CACNA2D3: variants seen among roughly 807,000 people sequenced by gnomAD.
CACNA2D3 encodes voltage-dependent calcium channel subunit alpha-2/delta-3.
A neutral mutation model predicts 160.6 loss-of-function variants in CACNA2D3; 60 were observed. The ratio of observed to expected loss-of-function variants is 0.37; its 90% CI spans 0.30 to 0.46. The LOEUF (loss-of-function observed/expected upper bound fraction) is 0.46, where lower values mean the gene tolerates loss of function less well. Among genes scored for constraint, CACNA2D3 ranks in the 20% least tolerant of loss-of-function variants. The pLI is 1.00. For missense variants in CACNA2D3, 1,205 were observed against 1,365.0 expected (o/e 0.88, Z 1.85); for synonymous variants, 558 against 492.9 (o/e 1.13, Z -1.75).
At chr3:54,146,715 C>T (rs1371624930) in intron 2 of CACNA2D3, among the ~76,000 whole-genome samples, 1 of 152,232 alleles carries the variant, frequency 6.6e-6, no homozygotes, top group Non-Finnish European at 1.5e-5. Context: ...GTGCACAGAA[C>T]GTCTTAGGGG....
intron 35 of CACNA2D3, among the ~76,000 whole-genome samples, chr3:55,028,509 T>G (rs1168053961): frequency 6.6e-6 from 1 of 152,170 alleles, no homozygotes; most frequent in African/African-American, 2.4e-5. Flanking sequence ...TGGACAAAAT[T>G]GGAATCTAAA....
intron 11 of CACNA2D3, among the ~76,000 whole-genome samples, chr3:54,697,730 T>G (rs1288409546): frequency 6.6e-6 from 1 of 152,214 alleles, no homozygotes; most frequent in Non-Finnish European, 1.5e-5. Flanking sequence ...CTTCTAGTTA[T>G]TTTCTAACTA....
At chr3:54,891,331 CT>C (rs765455738) in intron 24 of CACNA2D3, 23 bp from the exon 25 acceptor site, 69 of 1,578,222 alleles carry the variant, frequency 4.4e-5, no homozygotes, top group Non-Finnish European at 5.7e-5. Flanking sequence ...AGGCCTCCCC[CT>C]GACGTCTGTT....
chr3:54,533,708 G>A (rs924994643), intron 5 of CACNA2D3, among the ~76,000 whole-genome samples: 1 of 151,934 alleles, frequency 6.6e-6, no homozygotes, highest in Non-Finnish European at 1.5e-5. Flanking sequence ...GATGTACCAG[G>A]CTCGAAATAT....
chr3:54,730,951 C>G (rs1471789741), intron 11 of CACNA2D3, among the ~76,000 whole-genome samples: 1 of 152,116 alleles, frequency 6.6e-6, no homozygotes, highest in African/African-American at 2.4e-5. Context: ...TTGAAACTGT[C>G]AAGAGATCAA....
chr3:54,708,207 A>T (rs1700891160), intron 11 of CACNA2D3, among the ~76,000 whole-genome samples: 1 of 152,192 alleles, frequency 6.6e-6, no homozygotes, highest in Admixed American at 6.5e-5. Flanking sequence ...TAACTGAATA[A>T]TCCATTCTAA....
At chr3:54,544,603 G>T (rs1702032271) in intron 5 of CACNA2D3, among the ~76,000 whole-genome samples, 1 of 151,974 alleles carries the variant, frequency 6.6e-6, no homozygotes, top group South Asian at 2.1e-4. Flanking sequence ...TCACTATATT[G>T]CCCAGGCTGG....
chr3:54,624,569 C>T (rs896530787), intron 9 of CACNA2D3, among the ~76,000 whole-genome samples: 1 of 152,146 alleles, frequency 6.6e-6, no homozygotes, highest in Admixed American at 6.5e-5. Flanking sequence ...TTCTGGTGAG[C>T]CGAGATCGCA....
intron 20 of CACNA2D3, among the ~76,000 whole-genome samples, 154 bp downstream of exon 20, chr3:54,879,565 T>C (rs1699743444): frequency 6.6e-6 from 1 of 152,178 alleles, no homozygotes; most frequent in Non-Finnish European, 1.5e-5. Context: ...CCCAGGCTGC[T>C]TTTGTTTTCC....
intron 11 of CACNA2D3, among the ~76,000 whole-genome samples, chr3:54,645,127 C>A (rs545862585): frequency 6.6e-6 from 1 of 152,232 alleles, no homozygotes; most frequent in East Asian, 1.9e-4. Flanking sequence ...GGCTGGGAGG[C>A]CTCAGGAAAC....
chr3:54,264,817 C>T lies in CACNA2D3; in HGVS notation c.205-55625C>T, dbSNP rs117545897. 8.3e-3 allele frequency among the ~76,000 whole-genome samples: 1,263 copies of T among 152,230 alleles called. 43 individuals carry two copies. In the East Asian group the frequency reaches 0.09, roughly 11 times the overall value. On this transcript the variant is annotated intron_variant, in intron 2 of 37. Transcript: ENST00000474759. ...AGTTTTCTTTCATTGCCACAAAAAC[C>T]GCATTTTAAGAGATGCATTTGGTTT...
Position 54,603,896 on chromosome 3 carries a change from T to C in CACNA2D3, c.963+22019T>C, listed in dbSNP as rs78450043. ...ATGCTTTAAAAAAAAAAAGTTTAAC[T>C]TATCTAAATGTCTTTTTAAAATAAG... On this transcript the variant is annotated intron_variant, in intron 9 of 37. Coordinates refer to ENST00000474759, the MANE Select transcript of CACNA2D3 (RefSeq NM_018398.3). Among the ~76,000 whole-genome samples, 644 of 152,304 alleles carry C rather than the reference T, an allele frequency of 4.2e-3. 6 individuals carry two copies. The highest frequency in any genetic ancestry group is 0.015 in the African/African-American group (617 of 41,560).
chr3:54,489,936 G>T (rs1701080974), intron 4 of CACNA2D3, among the ~76,000 whole-genome samples: 1 of 152,248 alleles, frequency 6.6e-6, no homozygotes, highest in East Asian at 1.9e-4. Context: ...CATATGAGGA[G>T]AAAATGAGAT....
At chr3:54,527,526 C>T (rs1030809203) in intron 5 of CACNA2D3, among the ~76,000 whole-genome samples, 3 of 152,138 alleles carry the variant, frequency 2.0e-5, no homozygotes, top group Non-Finnish European at 4.4e-5. Flanking sequence ...CAGTGTGGAG[C>T]GTTCGCCTTT....
chr3:54,807,250 C>G (rs971316928), intron 13 of CACNA2D3, among the ~76,000 whole-genome samples: 8 of 152,116 alleles, frequency 5.3e-5, no homozygotes, highest in African/African-American at 1.7e-4. Context: ...AAGAAACTAC[C>G]ATCAGAGTGA....
chr3:54,941,417 G>A (rs1037499744), intron 27 of CACNA2D3, among the ~76,000 whole-genome samples: 1 of 152,108 alleles, frequency 6.6e-6, no homozygotes. Context: ...CCTGACGGAC[G>A]CTATTTTCAA....
chr3:54,924,714 G>C lies in CACNA2D3; in HGVS notation c.2449+24846G>C, dbSNP rs753911246. 4 of 1,614,116 alleles carry C rather than the reference G, an allele frequency of 2.5e-6. No homozygotes were observed. In the South Asian group the frequency reaches 4.4e-5, roughly 18 times the overall value. On this transcript the variant is annotated intron_variant, in intron 27 of 37. Transcript: ENST00000474759. Reference sequence around the variant, plus strand: ...CTTGAGAAGTAAAAGCCTCACACTGGGCATGGATTCCAGGAGCGCTCGATC... The same window carrying C: ...CTTGAGAAGTAAAAGCCTCACACTGCGCATGGATTCCAGGAGCGCTCGATC...
intron 35 of CACNA2D3, among the ~76,000 whole-genome samples, 185 bp downstream of exon 35, chr3:55,018,502 A>C (rs1703377202): frequency 6.6e-6 from 1 of 152,196 alleles, no homozygotes; most frequent in South Asian, 2.1e-4. Context: ...TATTCTAGAC[A>C]CTGGGAAGCA....
intron 31 of CACNA2D3, among the ~76,000 whole-genome samples, chr3:54,990,758 G>A (rs1372813045): frequency 6.6e-6 from 1 of 152,126 alleles, no homozygotes; most frequent in Non-Finnish European, 1.5e-5. Context: ...CTCACCTCGT[G>A]ACCCATTGGC....
Sources: allele counts gnomAD v4.1 joint callset (sites outside exome capture counted in the v4.1 genomes callset), GRCh38; gene constraint gnomAD v4.1.1; transcripts MANE v1.5; gene names NCBI Gene and HGNC (gene_info 2026-07-23, HGNC 2026-07-21).